TTC9: variants seen among roughly 807,000 people sequenced by gnomAD.
TTC9 encodes the protein tetratricopeptide repeat domain 9, also known as tetratricopeptide repeat protein 9A.
TTC9 carries 13 observed loss-of-function variants against 22.9 expected under a neutral mutation model. The observed-to-expected ratio is 0.57, with a 90% confidence interval of 0.37 to 0.90. TTC9 has a LOEUF of 0.90. Among genes scored for constraint, TTC9 ranks in the 40% least tolerant of loss-of-function variants. The pLI is 0.01. For synonymous variants in TTC9, 148 were observed against 133.2 expected, an observed-to-expected ratio of 1.11 and a Z score of -0.77; for missense variants, 280 against 291.8, an observed-to-expected ratio of 0.96 and a Z score of 0.29.
In TTC9 at chr14:70,642,173, G is replaced by A. The variant is rs1347476672; in HGVS notation, c.44G>A (p.Ser15Asn). 3 of 1,202,018 alleles carry A rather than the reference G, an allele frequency of 2.5e-6. No individual in the cohort carries two copies. The East Asian group carries it at 1.1e-4, about 45-fold the overall frequency. 74.5% of individuals were successfully genotyped at this position (1,202,018 alleles called of 1,614,324 possible). A position where few individuals can be genotyped will look rare whatever the true frequency, so the allele number is the denominator to read the frequency against. ...GSAAGAKGNPSPPAAGEGQRP... is the reference protein window; with the variant it reads ...GSAAGAKGNPNPPAAGEGQRP... ...GCGGCCGGGGCCAAGGGGAACCCGAGCCCGCCCGCGGCCGGAGAGGGGCAG... is the reference window on the plus strand; with the variant it reads ...GCGGCCGGGGCCAAGGGGAACCCGAACCCGCCCGCGGCCGGAGAGGGGCAG... The change falls in exon 1 of 3, where the codon AGC (serine) becomes AAC (asparagine). Residue 15 changes from serine to asparagine, a missense_variant. Coordinates refer to ENST00000256367, the MANE Select transcript of TTC9 (RefSeq NM_015351.2).
At chr14:70,667,407 G>A (rs190665359) in intron 1 of TTC9, among the ~76,000 whole-genome samples, 157 bp from the exon 2 acceptor site, 1 of 152,288 alleles carries the variant, frequency 6.6e-6, no homozygotes, top group East Asian at 1.9e-4. Flanking sequence ...GATGAAACTG[G>A]TCAGGGAGGC....
intron 1 of TTC9, among the ~76,000 whole-genome samples, 166 bp from the exon 2 acceptor site, chr14:70,667,398 A>G (rs1886229996): frequency 6.6e-6 from 1 of 152,226 alleles, no homozygotes; most frequent in Non-Finnish European, 1.5e-5. Flanking sequence ...CTTTTTAGTG[A>G]TGAAACTGGT....
chr14:70,664,403 C>T (rs983933543), intron 1 of TTC9, among the ~76,000 whole-genome samples: 2 of 152,044 alleles, frequency 1.3e-5, no homozygotes, highest in African/African-American at 4.8e-5. Flanking sequence ...GCCTGGCTGT[C>T]ACCCCCTCCA....
intron 1 of TTC9, among the ~76,000 whole-genome samples, chr14:70,649,360 A>C (rs750510993): frequency 3.3e-5 from 5 of 152,264 alleles, no homozygotes; most frequent in Admixed American, 6.5e-5. Context: ...TTGAGCACTT[A>C]TTATACACCA....
Position 70,672,245 on chromosome 14 carries a change from G to A in TTC9, c.*1090G>A, listed in dbSNP as rs1284749412. 1.3e-5 allele frequency: 2 copies of A among 152,238 alleles called. No homozygotes were observed. Among genetic ancestry groups the A allele is most frequent in the East Asian group, 1.9e-4 (1 of 5,198 alleles). 9.4% of individuals were successfully genotyped at this position (152,238 alleles called of 1,614,324 possible). ...CAGGGGCTTGGCTTTGTCAGAACTT[G>A]TACAATCTTCTTTTGATGAAATTAT... On this transcript the variant is annotated 3_prime_UTR_variant, in exon 3 of 3. Transcript: ENST00000256367.
At position 70,642,214 on chromosome 14, in the gene TTC9, C is replaced by A; in HGVS notation, c.85C>A (p.Leu29Met). 1 of 1,281,290 alleles carries A rather than the reference C, an allele frequency of 7.8e-7. No homozygotes were observed. Among genetic ancestry groups the A allele is most frequent in the Non-Finnish European group, 9.9e-7 (1 of 1,013,056 alleles). 79.4% of individuals were successfully genotyped at this position (1,281,290 alleles called of 1,614,324 possible). Residue 29 changes from leucine to methionine, a missense_variant, in exon 1 of 3, where the codon CTG (leucine) becomes ATG (methionine). Physicochemically the swap from Leu to Met is conservative, Grantham distance 15. Transcript: ENST00000256367. ...AGEGQRPPPP[L>M]CVPGGGGGAP... is the part of the protein sequence containing the mutation. ...AGAGGGGCAGCGGCCACCGCCGCCGCTGTGCGTCCCGGGCGGCGGCGGAGG... is the reference window on the plus strand; with the variant it reads ...AGAGGGGCAGCGGCCACCGCCGCCGATGTGCGTCCCGGGCGGCGGCGGAGG...
intron 1 of TTC9, among the ~76,000 whole-genome samples, chr14:70,643,303 G>T (rs750178662): frequency 5.3e-5 from 8 of 152,168 alleles, no homozygotes; most frequent in Non-Finnish European, 8.8e-5. Flanking sequence ...GGCAAAGAAG[G>T]TGTACATTCC....
intron 2 of TTC9, among the ~76,000 whole-genome samples, chr14:70,668,821 AG>A (rs1221636368): frequency 2.0e-5 from 3 of 146,856 alleles, no homozygotes; most frequent in Non-Finnish European, 3.0e-5. Context: ...ACTGCACTCC[AG>A]CCTGAGCGAC....
At chr14:70,665,519 T>C (rs1886203680) in intron 1 of TTC9, among the ~76,000 whole-genome samples, 2 of 152,100 alleles carry the variant, frequency 1.3e-5, no homozygotes, top group African/African-American at 4.8e-5. Flanking sequence ...CACCAGAAGA[T>C]TGTAGTCCTG....
intron 1 of TTC9, 56 bp downstream of exon 1, chr14:70,642,591 C>T: frequency 6.8e-7 from 1 of 1,466,234 alleles, no homozygotes; most frequent in Non-Finnish European, 9.1e-7. Flanking sequence ...CCGGTCCCTC[C>T]GCGGACCACT....
chr14:70,659,128 A>ACGCG (rs1555362244), intron 1 of TTC9, among the ~76,000 whole-genome samples: 5 of 137,130 alleles, frequency 3.6e-5, no homozygotes, highest in Admixed American at 7.6e-5. Context: ...AAACACACAC[A>ACGCG]CACGCACACA....
intron 1 of TTC9, among the ~76,000 whole-genome samples, chr14:70,653,123 G>A (rs1257782780): frequency 6.6e-6 from 1 of 152,210 alleles, no homozygotes; most frequent in East Asian, 1.9e-4. Flanking sequence ...TTGTTATGGT[G>A]ATTAAATTAA....
At chr14:70,667,818 G>A in intron 2 of TTC9, 72 bp downstream of exon 2, 1 of 1,481,298 alleles carries the variant, frequency 6.8e-7, no homozygotes, top group East Asian at 2.3e-5. Context: ...CATTTCAGCA[G>A]TTTTCTTGGC....
intron 1 of TTC9, among the ~76,000 whole-genome samples, chr14:70,645,628 G>A (rs1308614890): frequency 6.6e-6 from 1 of 152,224 alleles, no homozygotes; most frequent in Non-Finnish European, 1.5e-5. Flanking sequence ...GTGCAGCATG[G>A]CCCATGAGAT....
At chr14:70,642,803 T>C (rs1034301688) in intron 1 of TTC9, among the ~76,000 whole-genome samples, 1 of 152,208 alleles carries the variant, frequency 6.6e-6, no homozygotes, top group Non-Finnish European at 1.5e-5. Context: ...TGGCTATGGC[T>C]GCTGCTGCTA....
In TTC9 at chr14:70,675,150, C is replaced by T. The variant is rs180682478; in HGVS notation, c.*3995C>T. On this transcript the variant is annotated 3_prime_UTR_variant, in exon 3 of 3. Coordinates refer to ENST00000256367, the MANE Select transcript of TTC9 (RefSeq NM_015351.2). ...GTTATTTTAACTTTCTTTGATTCTT[C>T]GCGAATAACATTTTCATATGCTTAT... 2.6e-5 allele frequency: 4 copies of T among 152,146 alleles called. No homozygotes were observed. The highest frequency in any genetic ancestry group is 1.3e-4 in the Admixed American group (2 of 15,280). The allele number at this position is 152,146 out of a possible 1,614,324, so 9.4% of individuals were successfully genotyped here. A position where few individuals can be genotyped will look rare whatever the true frequency, so the allele number is the denominator to read the frequency against.
At chr14:70,666,643 C>T (rs1163258851) in intron 1 of TTC9, among the ~76,000 whole-genome samples, 1 of 152,196 alleles carries the variant, frequency 6.6e-6, no homozygotes, top group East Asian at 1.9e-4. Flanking sequence ...AGCCAGACAG[C>T]TTCAGCTTAA....
At chr14:70,664,877 C>A (rs1382824968) in intron 1 of TTC9, among the ~76,000 whole-genome samples, 1 of 152,200 alleles carries the variant, frequency 6.6e-6, no homozygotes, top group African/African-American at 2.4e-5. Flanking sequence ...CCCTGCCTCC[C>A]TTGCCTCCCC....
At chr14:70,653,285 GC>G (rs1886011952) in intron 1 of TTC9, among the ~76,000 whole-genome samples, 1 of 152,150 alleles carries the variant, frequency 6.6e-6, no homozygotes, top group Non-Finnish European at 1.5e-5. Context: ...AGCAAAGAAG[GC>G]TATGGGGAAA....
Sources: allele counts gnomAD v4.1 joint callset (sites outside exome capture counted in the v4.1 genomes callset), GRCh38; gene constraint gnomAD v4.1.1; transcripts MANE v1.5; gene names NCBI Gene and HGNC (gene_info 2026-07-23, HGNC 2026-07-21).